Variants in ATOSA observed in about 807,000 individuals in gnomAD.
ATOSA encodes the protein atos homolog protein A.
At chr15:52,644,195 T>C in the ATOSA span, among the ~76,000 whole-genome samples, 7 of 152,220 alleles carry the variant, frequency 4.6e-5, no homozygotes, top group Non-Finnish European at 8.8e-5. Context: ...AGTGCTAGGA[T>C]TTCAGTCATG....
At chr15:52,610,020 G>T in the ATOSA span, 1 of 1,613,906 alleles carries the variant, frequency 6.2e-7, no homozygotes, top group African/African-American at 1.3e-5. Context: ...GATATAGTTT[G>T]ATATTTTTGA....
chr15:52,678,789 TCCCGC>T, the ATOSA span: 5 of 152,866 alleles, frequency 3.3e-5, no homozygotes, highest in African/African-American at 1.2e-4. Context: ...ACCCCTTCCG[TCCCGC>T]CGCGGCCCCG....
At chr15:52,596,939 T>C in the ATOSA span, among the ~76,000 whole-genome samples, 1 of 152,184 alleles carries the variant, frequency 6.6e-6, no homozygotes, top group Non-Finnish European at 1.5e-5. Context: ...ATTTGGCAAG[T>C]AAGTGCAGGA....
At chr15:52,641,802 A>T in the ATOSA span, among the ~76,000 whole-genome samples, 1 of 152,236 alleles carries the variant, frequency 6.6e-6, no homozygotes, top group African/African-American at 2.4e-5. Context: ...AAGTAGTTTC[A>T]TATTGCTCTG....
At chr15:52,677,790 G>C in the ATOSA span, among the ~76,000 whole-genome samples, 11 of 152,162 alleles carry the variant, frequency 7.2e-5, no homozygotes, top group African/African-American at 2.4e-4. Flanking sequence ...AATCTCTCTT[G>C]AAGCTAGTGC....
At chr15:52,698,045 C>T in the ATOSA span, among the ~76,000 whole-genome samples, 32 of 129,126 alleles carry the variant, frequency 2.5e-4, no homozygotes, top group East Asian at 5.6e-3. Context: ...GGCAAGGTCT[C>T]GGCTTACTGC....
the ATOSA span, among the ~76,000 whole-genome samples, chr15:52,664,748 C>T: frequency 2.6e-5 from 4 of 152,208 alleles, no homozygotes; most frequent in Admixed American, 2.6e-4. Flanking sequence ...TTCCAGACCT[C>T]GGCAACATAG....
At chr15:52,632,871 A>G in the ATOSA span, among the ~76,000 whole-genome samples, 1 of 152,246 alleles carries the variant, frequency 6.6e-6, no homozygotes, top group Non-Finnish European at 1.5e-5. Context: ...GGGATTATAT[A>G]TAACATAACT....
At chr15:52,584,789 G>A in the ATOSA span, 37 of 1,613,508 alleles carry the variant, frequency 2.3e-5, no homozygotes, top group East Asian at 8.0e-4. Context: ...CTGTGTGTCG[G>A]ATGTTCTCTT....
the ATOSA span, among the ~76,000 whole-genome samples, chr15:52,597,165 G>GTTCTGTTCTATTCTATTCTATTCTA: frequency 3.6e-4 from 9 of 24,726 alleles, no homozygotes; most frequent in Middle Eastern, 0.017. Flanking sequence ...GTTCTGTTCT[G>GTTCTGTTCTATTCTATTCTATTCTA]TTCTATTCTA....
At chr15:52,673,047 T>C in the ATOSA span, among the ~76,000 whole-genome samples, 1 of 152,160 alleles carries the variant, frequency 6.6e-6, no homozygotes, top group African/African-American at 2.4e-5. Context: ...TAGCCCCCTT[T>C]TGTCTTCCTC....
At chr15:52,667,061 T>C in the ATOSA span, among the ~76,000 whole-genome samples, 11 of 152,154 alleles carry the variant, frequency 7.2e-5, no homozygotes, top group South Asian at 2.3e-3. Flanking sequence ...AGGACTAATA[T>C]GGCTAGACTG....
the ATOSA span, among the ~76,000 whole-genome samples, chr15:52,702,162 T>C: frequency 6.6e-6 from 1 of 152,164 alleles, no homozygotes; most frequent in Admixed American, 6.6e-5. Flanking sequence ...TTACACACTG[T>C]TGGTGGGAAT....
At chr15:52,668,778 A>G in the ATOSA span, among the ~76,000 whole-genome samples, 3 of 152,108 alleles carry the variant, frequency 2.0e-5, no homozygotes, top group East Asian at 1.9e-4. Flanking sequence ...CTCCATGTCT[A>G]TCTAGCCCAC....
At chr15:52,590,691 T>A in the ATOSA span, 1 of 152,098 alleles carries the variant, frequency 6.6e-6, no homozygotes, top group Non-Finnish European at 1.5e-5. Context: ...ACTACAAAAA[T>A]AAAGAGAATA....
chr15:52,609,932 A>T, the ATOSA span: 2 of 1,611,128 alleles, frequency 1.2e-6, no homozygotes, highest in Admixed American at 1.7e-5. Context: ...GTTTCTTGTG[A>T]TTTTATATCA....
the ATOSA span, among the ~76,000 whole-genome samples, chr15:52,640,047 C>T: frequency 2.0e-5 from 3 of 151,844 alleles, no homozygotes; most frequent in East Asian, 1.9e-4. Flanking sequence ...TGTGAGCCAC[C>T]GTGCCTGGCC....
At chr15:52,682,597 A>G in the ATOSA span, among the ~76,000 whole-genome samples, 1 of 152,230 alleles carries the variant, frequency 6.6e-6, no homozygotes, top group Non-Finnish European at 1.5e-5. Context: ...TCTATGACCC[A>G]TAGCTAGAGG....
chr15:52,655,442 T>C, the ATOSA span, among the ~76,000 whole-genome samples: 1 of 152,142 alleles, frequency 6.6e-6, no homozygotes, highest in African/African-American at 2.4e-5. Flanking sequence ...AAAACTTCAC[T>C]ACTTCATGAT....
Sources: allele counts gnomAD v4.1 joint callset (sites outside exome capture counted in the v4.1 genomes callset), GRCh38; gene constraint gnomAD v4.1.1; transcripts MANE v1.5; gene names NCBI Gene and HGNC (gene_info 2026-07-23, HGNC 2026-07-21).